The following DLEC1 variants were observed in gnomAD, a reference collection of about 807,000 sequenced individuals.
DLEC1 encodes the protein deleted in lung and esophageal cancer protein 1.
Under a neutral mutation model 198.1 loss-of-function variants are expected in DLEC1, and 146 were observed. The ratio of observed to expected loss-of-function variants is 0.74; its 90% CI spans 0.64 to 0.85. The LOEUF (loss-of-function observed/expected upper bound fraction) is 0.85. Ranked by LOEUF, DLEC1 falls within the 40% of genes least tolerant of loss-of-function variation. DLEC1 has a pLI of 0.00. For synonymous variants in DLEC1, 897 were observed against 866.8 expected, an observed-to-expected ratio of 1.03 and a Z score of -0.61; for missense variants, 2,233 against 2,220.0, an observed-to-expected ratio of 1.01 and a Z score of -0.12.
chr3:38,121,997 G>A (rs1350279849), intron 35 of DLEC1, 74 bp from the exon 36 acceptor site: 11 of 1,587,336 alleles, frequency 6.9e-6, no homozygotes, highest in African/African-American at 1.3e-5. Context: ...ACAGGCCCGG[G>A]GGTGGGTAAA....
rs1559459847 is a variant in DLEC1 at position 38,112,394 on chromosome 3, G to A, written c.3666+33G>A. 6.2e-7 allele frequency: 1 copy of A among 1,607,298 alleles called. No individual in the cohort carries two copies. Among genetic ancestry groups the A allele is most frequent in the Non-Finnish European group, 8.5e-7 (1 of 1,174,592 alleles). ...TACACAAGAGGGCAGTGGCCTGGGG[G>A]GTGGAGAGTCTGCCCAGCCCTCGCC... On this transcript the variant is annotated intron_variant, in intron 25 of 36. Coordinates refer to ENST00000308059, the MANE Select transcript of DLEC1 (RefSeq NM_007335.4). The surrounding 1 kb of genome is among the most constrained non-coding windows in gnomAD (Gnocchi z 4.8).
At chr3:38,114,836 C>T (rs947523328) in intron 26 of DLEC1, 147 bp from the exon 27 acceptor site, 20 of 707,104 alleles carry the variant, frequency 2.8e-5, no homozygotes, top group Non-Finnish European at 3.1e-5. Flanking sequence ...CTGGGGAAGG[C>T]ACCAGCCCCA....
In DLEC1 at chr3:38,062,752, A is replaced by C; in HGVS notation, c.1045A>C (p.Lys349Gln). Reference protein sequence around the residue: ...YGGKSLVFPPKKPAPIGEFQS... With the variant: ...YGGKSLVFPPQKPAPIGEFQS... ...AGGCAAGTCTCTTGTTTTTCCTCCA[A>C]AGAAGCCAGCACCGATAGGAGAATT... Residue 349 changes from lysine (K) to glutamine (Q), a missense_variant, in exon 5 of 37, where the codon AAG (lysine) becomes CAG (glutamine). Lys to Gln is a moderately conservative substitution (Grantham distance 53). Transcript: ENST00000308059. 1 of 1,614,114 alleles carries C rather than the reference A, an allele frequency of 6.2e-7. No homozygotes were observed. The highest frequency in any genetic ancestry group is 1.1e-5 in the South Asian group (1 of 91,080).
intron 2 of DLEC1, among the ~76,000 whole-genome samples, chr3:38,052,630 G>A (rs770226854): frequency 5.9e-5 from 9 of 152,302 alleles, no homozygotes; most frequent in Admixed American, 1.3e-4. Flanking sequence ...TTGGAACTGC[G>A]CCCTCAAAGA....
chr3:38,084,533 GGTGGTGGTAGTAGTA>G (rs1698308662), intron 7 of DLEC1, among the ~76,000 whole-genome samples: 1 of 130,192 alleles, frequency 7.7e-6, no homozygotes, highest in African/African-American at 3.0e-5. Flanking sequence ...TAGTAGTAGT[GGTGGTGGTAGTAGTA>G]GTGGTAGTAG....
chr3:38,114,962 G>A (rs1403781544), intron 26 of DLEC1, 21 bp from the exon 27 acceptor site: 1 of 1,611,346 alleles, frequency 6.2e-7, no homozygotes, highest in East Asian at 2.2e-5. Context: ...GCTGTACTGA[G>A]TCCAGTCTGT....
chr3:38,096,284 C>T (rs1699013624), intron 14 of DLEC1, among the ~76,000 whole-genome samples: 1 of 152,178 alleles, frequency 6.6e-6, no homozygotes, highest in African/African-American at 2.4e-5. Flanking sequence ...CAGGCTGGGG[C>T]TCCAGGCAGC....
chr3:38,044,738 C>T (rs1031724582), intron 1 of DLEC1, among the ~76,000 whole-genome samples: 1 of 152,182 alleles, frequency 6.6e-6, no homozygotes, highest in East Asian at 1.9e-4. Context: ...TTACCTGTAC[C>T]AGTGAGCTCT....
intron 6 of DLEC1, among the ~76,000 whole-genome samples, chr3:38,074,997 C>T (rs192108359): frequency 7.9e-5 from 12 of 152,142 alleles, no homozygotes; most frequent in East Asian, 1.9e-4. Flanking sequence ...AACTGTAAGC[C>T]GGACCGGGTG....
chr3:38,049,219 G>A (rs1701006095), intron 2 of DLEC1, among the ~76,000 whole-genome samples: 1 of 152,144 alleles, frequency 6.6e-6, no homozygotes, highest in South Asian at 2.1e-4. Context: ...GGTTTCTCAG[G>A]TCTCTGCTGG....
In DLEC1 at chr3:38,086,368, A is replaced by G. The variant is rs1575176059; in HGVS notation, c.1563A>G (p.Leu521=). Residue 521 remains leucine (L), a synonymous_variant, in exon 9 of 37, where the codon CTA becomes CTG. Transcript: ENST00000308059. ...TGCCCAAAACAAGCTGGCCACCACTAAGTTTCAAGGTGAGTGATCACAGGT... is the reference window on the plus strand; with the variant it reads ...TGCCCAAAACAAGCTGGCCACCACTGAGTTTCAAGGTGAGTGATCACAGGT... The part of the protein sequence containing the change: ...CIMPKTSWPP[L]SFKAIATVGF... 2 of 1,608,850 alleles carry G rather than the reference A, an allele frequency of 1.2e-6. No homozygotes were observed. Among genetic ancestry groups the G allele is most frequent in the Non-Finnish European group, 1.7e-6 (2 of 1,177,634 alleles).
At position 38,097,603 on chromosome 3, in the gene DLEC1, C is replaced by T. The variant is rs755044364; in HGVS notation, c.2531C>T (p.Ser844Leu). Residue 844 changes from serine (S) to leucine (L), a missense_variant, in exon 17 of 37, where the codon TCG becomes TTG. Transcript: ENST00000308059. ...DLLCEIEDSPSPVVLHIEAVF... is the reference protein window; with the variant it reads ...DLLCEIEDSPLPVVLHIEAVF... ...CTGTGTGAAATCGAAGACTCGCCCT[C>T]GCCAGTGGTGTTACACATTGAGGCT... 2.5e-6 allele frequency: 4 copies of T among 1,614,178 alleles called. No individual in the cohort carries two copies. The highest frequency in any genetic ancestry group is 1.1e-5 in the South Asian group (1 of 91,072).
rs986227425 is a variant in DLEC1 at position 38,119,917 on chromosome 3, G to A, written c.4705-531G>A. Among the ~76,000 whole-genome samples the A allele has an allele frequency of 5.3e-5, 8 of 152,130 alleles. No individual in the cohort carries two copies. In the East Asian group the frequency reaches 1.2e-3, roughly 22 times the overall value. On this transcript the variant is annotated intron_variant, in intron 33 of 36. Coordinates refer to ENST00000308059, the MANE Select transcript of DLEC1 (RefSeq NM_007335.4). ...ATGTGAAGGTCTGGGTGAGGCGCAAGAATTTATATTTTTAACAAGTGCCTC... is the reference window on the plus strand; with the variant it reads ...ATGTGAAGGTCTGGGTGAGGCGCAAAAATTTATATTTTTAACAAGTGCCTC...
chr3:38,079,025 A>G (rs376477538), intron 6 of DLEC1, among the ~76,000 whole-genome samples: 2 of 152,120 alleles, frequency 1.3e-5, no homozygotes, highest in African/African-American at 2.4e-5. Context: ...GGATATTGGC[A>G]TTGAGCGGGG....
chr3:38,113,376 CTCTT>C (rs1333759752), intron 25 of DLEC1, among the ~76,000 whole-genome samples: 4 of 152,176 alleles, frequency 2.6e-5, no homozygotes, highest in Non-Finnish European at 5.9e-5. Context: ...ATGCTGTAAA[CTCTT>C]TATTAGTAAA....
At chr3:38,092,671 A>G (rs1698799758) in intron 10 of DLEC1, 119 bp from the exon 11 acceptor site, 9 of 893,598 alleles carry the variant, frequency 1.0e-5, no homozygotes, top group Non-Finnish European at 1.6e-5. Context: ...GGTGGCAGGG[A>G]GGGGAACAGA....
chr3:38,085,372 A>G lies in DLEC1; in HGVS notation c.1360A>G (p.Ile454Val). 1 of 1,614,010 alleles carries G rather than the reference A, an allele frequency of 6.2e-7. No homozygotes were observed. The highest frequency in any genetic ancestry group is 8.5e-7 in the Non-Finnish European group (1 of 1,179,986). ...CTGCCTTGGGGATTTTGATGATTTTATTTTAGTGGAGACCCAGTCAGCCCA... is the reference window on the plus strand; with the variant it reads ...CTGCCTTGGGGATTTTGATGATTTTGTTTTAGTGGAGACCCAGTCAGCCCA... ...PDCLGDFDDFILVETQSAHTL... is the reference protein window; with the variant it reads ...PDCLGDFDDFVLVETQSAHTL... The change falls in exon 8 of 37, where the codon ATT becomes GTT. Residue 454 changes from isoleucine to valine, a missense_variant. Ile to Val is a conservative substitution (Grantham distance 29, BLOSUM62 3). Coordinates refer to ENST00000308059, the MANE Select transcript of DLEC1 (RefSeq NM_007335.4).
chr3:38,110,390 G>A lies in DLEC1; in HGVS notation c.3443+109G>A, dbSNP rs554586930. On this transcript the variant is annotated intron_variant, in intron 23 of 36. Coordinates refer to ENST00000308059, the MANE Select transcript of DLEC1 (RefSeq NM_007335.4). The stretch of plus-strand genomic sequence containing the variant: ...CAGTGGCTGGTCGGTGTGAGAGATG[G>A]GAGTGTGTGTTTTTACAGGTAGACA... The A allele has an allele frequency of 2.5e-5, 33 of 1,329,120 alleles. No homozygotes were observed. In the African/African-American group the frequency reaches 4.2e-4, roughly 17 times the overall value. The allele number at this position is 1,329,120 out of a possible 1,614,324, so 82.3% of individuals were successfully genotyped here. A position where few individuals can be genotyped will look rare whatever the true frequency, so the allele number is the denominator to read the frequency against.
chr3:38,117,687 A>C (rs1700254235), intron 32 of DLEC1, 76 bp downstream of exon 32: 3 of 1,606,436 alleles, frequency 1.9e-6, no homozygotes, highest in Non-Finnish European at 2.6e-6. Flanking sequence ...TGTGGGACTC[A>C]GGCCTTATAG....
Sources: gnomAD v4.1 joint callset for allele counts (sites outside exome capture counted in the v4.1 genomes callset) on GRCh38, gnomAD v4.1.1 for gene constraint, Gnocchi (gnomAD v3.1) non-coding constraint, MANE v1.5 for transcripts, NCBI Gene and HGNC (gene_info 2026-07-23, HGNC 2026-07-21) for gene names.